HDAC4: variants seen among roughly 807,000 people sequenced by gnomAD.
The protein encoded by HDAC4 is histone deacetylase 4, also known as histone deacetylase A.
Under a neutral mutation model 135.1 loss-of-function variants are expected in HDAC4, and 16 were observed. That is an observed-to-expected ratio of 0.12 (90% CI 0.08 to 0.18). The LOEUF (loss-of-function observed/expected upper bound fraction) is 0.18, where lower values mean the gene tolerates loss of function less well. Ranked by LOEUF, HDAC4 falls within the 10% of genes least tolerant of loss-of-function variation. The pLI, the probability that HDAC4 is intolerant of heterozygous loss-of-function variation, is 1.00. For synonymous variants in HDAC4, 685 were observed against 653.4 expected (o/e 1.05, Z -0.74); for missense variants, 1,143 against 1,511.8 (o/e 0.76, Z 4.05).
At chr2:239,157,571 A>G (rs1294992008) in intron 6 of HDAC4, among the ~76,000 whole-genome samples, 1 of 152,176 alleles carries the variant, frequency 6.6e-6, no homozygotes, top group Non-Finnish European at 1.5e-5. Context: ...GACCATCAGC[A>G]AGGCCTTTTT....
chr2:239,076,426 A>T (rs2034771934), intron 22 of HDAC4, among the ~76,000 whole-genome samples: 1 of 152,254 alleles, frequency 6.6e-6, no homozygotes, highest in South Asian at 2.1e-4. Context: ...CCACAACTGC[A>T]TCTAAATGCA....
At chr2:239,176,985 A>G (rs1251169684) in intron 4 of HDAC4, among the ~76,000 whole-genome samples, 1 of 152,110 alleles carries the variant, frequency 6.6e-6, no homozygotes, top group African/African-American at 2.4e-5. Context: ...ATTCCTAGCT[A>G]TTTATCCGAA....
In HDAC4 at chr2:239,053,152, G is replaced by C. The variant is rs374234233; in HGVS notation, c.3231-16C>G. On this transcript the variant is annotated splice_polypyrimidine_tract_variant and intron_variant, in intron 26 of 26. Transcript: ENST00000543185. ...CTCATCTGGTCTGTGGATCCCGCAA[G>C]AGAAGGAGATGGGGGCGTGGGGCAG... 1.9e-6 allele frequency: 3 copies of C among 1,614,132 alleles called. No individual in the cohort carries two copies. The African/African-American group carries it at 4.0e-5, about 22-fold the overall frequency.
intron 2 of HDAC4, among the ~76,000 whole-genome samples, chr2:239,265,661 C>T (rs1029481223): frequency 1.3e-5 from 2 of 152,214 alleles, no homozygotes; most frequent in African/African-American, 4.8e-5. Flanking sequence ...CAGGCCACAG[C>T]GCCGGCACCA....
intron 2 of HDAC4, among the ~76,000 whole-genome samples, chr2:239,261,301 G>GT (rs897194065): frequency 6.6e-6 from 1 of 152,180 alleles, no homozygotes; most frequent in African/African-American, 2.4e-5. Flanking sequence ...ACGAGCCCAG[G>GT]TAACACGCTA....
At chr2:239,091,636 T>A (rs1301823152) in intron 17 of HDAC4, 1 of 151,910 alleles carries the variant, frequency 6.6e-6, no homozygotes, top group Non-Finnish European at 1.5e-5. Context: ...GCTCATTATG[T>A]GGGGAGGGAG....
rs770844697 is a variant in HDAC4 at position 239,156,679 on chromosome 2, T to C, written c.706A>G (p.Lys236Glu). ...GTTTTCCTAAGAGGGAAGTCATCTT[T>C]GGCGTCGTACATTCCCAGGACCGGG... ...NHPVLGMYDA[K>E]DDFPLRKTAS... The change falls in exon 7 of 27, where the codon AAA (lysine) becomes GAA (glutamate). Residue 236 changes from lysine to glutamate, a missense_variant. Coordinates refer to ENST00000543185, the MANE Select transcript of HDAC4 (RefSeq NM_001378414.1). The C allele has an allele frequency of 6.2e-7, 1 of 1,614,144 alleles. No homozygotes were observed. The highest frequency in any genetic ancestry group is 8.5e-7 in the Non-Finnish European group (1 of 1,180,028).
At chr2:239,344,647 A>G (rs1692499030) in intron 2 of HDAC4, among the ~76,000 whole-genome samples, 1 of 152,236 alleles carries the variant, frequency 6.6e-6, no homozygotes, top group South Asian at 2.1e-4. Flanking sequence ...GGCTAGTGAC[A>G]ATCTGAGAGC....
chr2:239,292,158 G>C (rs1031458289), intron 2 of HDAC4, among the ~76,000 whole-genome samples: 5 of 152,238 alleles, frequency 3.3e-5, no homozygotes, highest in Non-Finnish European at 5.9e-5. Flanking sequence ...GGCCAGGATG[G>C]TAGGTGGGGC....
intron 16 of HDAC4, among the ~76,000 whole-genome samples, 179 bp from the exon 17 acceptor site, chr2:239,095,235 GA>G (rs1374017612): frequency 6.6e-5 from 10 of 152,288 alleles, no homozygotes; most frequent in African/African-American, 2.2e-4. Flanking sequence ...CTGGCCCTTA[GA>G]GGTGCCTTGA....
At chr2:239,329,030 C>T (rs1366790619) in intron 2 of HDAC4, among the ~76,000 whole-genome samples, 2 of 152,274 alleles carry the variant, frequency 1.3e-5, no homozygotes, top group East Asian at 3.8e-4. Flanking sequence ...CCTCCAGGCC[C>T]AGGCCACCAG....
intron 12 of HDAC4, among the ~76,000 whole-genome samples, chr2:239,124,739 G>C (rs1289013363): frequency 1.5e-5 from 2 of 129,366 alleles, no homozygotes; most frequent in Admixed American, 1.5e-4. Context: ...GTGTGGCTGC[G>C]TTATATGACA....
intron 2 of HDAC4, among the ~76,000 whole-genome samples, chr2:239,343,211 T>C (rs1692404307): frequency 6.6e-6 from 1 of 152,194 alleles, no homozygotes; most frequent in Non-Finnish European, 1.5e-5. Flanking sequence ...AACTGTAATT[T>C]TCATTATAAT....
chr2:239,246,083 T>G (rs2048442936), intron 2 of HDAC4, among the ~76,000 whole-genome samples: 2 of 152,130 alleles, frequency 1.3e-5, no homozygotes, highest in Non-Finnish European at 2.9e-5. Context: ...CAGGGGGGTG[T>G]CCAGCTGCTC....
At chr2:239,067,292 G>A (rs1395815816) in intron 23 of HDAC4, among the ~76,000 whole-genome samples, 1 of 152,160 alleles carries the variant, frequency 6.6e-6, no homozygotes, top group Non-Finnish European at 1.5e-5. Context: ...GTCCAGGTCT[G>A]AGCGTTTGGC....
intron 2 of HDAC4, among the ~76,000 whole-genome samples, chr2:239,293,629 G>C (rs1420075263): frequency 6.6e-6 from 1 of 152,176 alleles, no homozygotes; most frequent in African/African-American, 2.4e-5. Context: ...CCAGACCAAC[G>C]CACAGGGCAC....
chr2:239,150,236 AAC>A (rs2042025924), intron 7 of HDAC4, among the ~76,000 whole-genome samples: 2 of 152,050 alleles, frequency 1.3e-5, no homozygotes, highest in African/African-American at 4.8e-5. Flanking sequence ...CACACACAGA[AAC>A]ACAGATACAC....
intron 2 of HDAC4, among the ~76,000 whole-genome samples, chr2:239,324,982 G>A (rs116434751): frequency 7.2e-5 from 11 of 152,320 alleles, no homozygotes; most frequent in African/African-American, 2.6e-4. Flanking sequence ...TCTTACAGCA[G>A]CTAAAGGCAA....
intron 1 of HDAC4, among the ~76,000 whole-genome samples, chr2:239,377,723 G>A (rs1695118707): frequency 6.6e-6 from 1 of 152,186 alleles, no homozygotes. Flanking sequence ...TATGTGCAGA[G>A]ACCCAACGTG....
Sources: allele counts gnomAD v4.1 joint callset (sites outside exome capture counted in the v4.1 genomes callset), GRCh38; gene constraint gnomAD v4.1.1; transcripts MANE v1.5; gene names NCBI Gene and HGNC (gene_info 2026-07-23, HGNC 2026-07-21).